XKR6: variants seen among roughly 807,000 people sequenced by gnomAD.
XKR6 encodes the protein XK related 6.
XKR6 carries 22 observed loss-of-function variants against 56.7 expected under a neutral mutation model. The ratio of observed to expected loss-of-function variants is 0.39; its 90% CI spans 0.28 to 0.55. The LOEUF (loss-of-function observed/expected upper bound fraction) is 0.55. Among genes scored for constraint, XKR6 ranks in the 20% least tolerant of loss-of-function variants. The pLI, the probability that XKR6 is intolerant of heterozygous loss-of-function variation, is 0.66. For synonymous variants in XKR6, 524 were observed against 387.8 expected, an observed-to-expected ratio of 1.35 and a Z score of -4.13; for missense variants, 852 against 889.0, an observed-to-expected ratio of 0.96 and a Z score of 0.53.
intron 1 of XKR6, among the ~76,000 whole-genome samples, chr8:10,980,465 G>A (rs575075663): frequency 6.6e-6 from 1 of 152,322 alleles, no homozygotes; most frequent in South Asian, 2.1e-4. Flanking sequence ...GTTCCATGAG[G>A]ACAGGGATGC....
chr8:11,162,870 A>G (rs1052603448), intron 1 of XKR6, among the ~76,000 whole-genome samples: 1 of 152,238 alleles, frequency 6.6e-6, no homozygotes, highest in Non-Finnish European at 1.5e-5. Flanking sequence ...CTATCCTAGC[A>G]TAGCTACAAG....
chr8:11,125,346 T>C (rs915981727), intron 1 of XKR6, among the ~76,000 whole-genome samples: 3 of 152,056 alleles, frequency 2.0e-5, no homozygotes, highest in African/African-American at 7.2e-5. Context: ...ACAGGGCACA[T>C]CGAGGCCTGA....
chr8:11,003,281 C>G (rs140590818), intron 1 of XKR6, among the ~76,000 whole-genome samples: 101 of 152,282 alleles, frequency 6.6e-4, no homozygotes, highest in African/African-American at 2.3e-3. Flanking sequence ...TCAACACCAT[C>G]ATCATCACCA....
chr8:10,923,179 G>A (rs767367064), intron 2 of XKR6, among the ~76,000 whole-genome samples: 12 of 152,236 alleles, frequency 7.9e-5, no homozygotes, highest in Non-Finnish European at 1.5e-4. Flanking sequence ...GCTTCCTGAA[G>A]CCTTGTCAAA....
chr8:10,911,236 G>A (rs1006208795), intron 2 of XKR6, among the ~76,000 whole-genome samples: 9 of 124,016 alleles, frequency 7.3e-5, no homozygotes, highest in Non-Finnish European at 1.0e-4. Context: ...GTGTGTGTGT[G>A]TATAGAGAGA....
intron 1 of XKR6, among the ~76,000 whole-genome samples, chr8:11,135,255 T>C (rs536685711): frequency 6.6e-6 from 1 of 152,230 alleles, no homozygotes; most frequent in East Asian, 1.9e-4. Context: ...GGTCTTGATC[T>C]CCTGACCTCG....
chr8:10,903,368 G>C (rs1251927364), intron 2 of XKR6, among the ~76,000 whole-genome samples: 2 of 152,196 alleles, frequency 1.3e-5, no homozygotes, highest in Admixed American at 1.3e-4. Flanking sequence ...TGGGAAGCCA[G>C]GACAGAAGAT....
At chr8:11,061,465 TC>T (rs1375304188) in intron 1 of XKR6, among the ~76,000 whole-genome samples, 2 of 85,844 alleles carry the variant, frequency 2.3e-5, no homozygotes, top group African/African-American at 9.4e-5. Flanking sequence ...AGACCCTGTC[TC>T]AAAAAAAAAA....
At chr8:10,991,063 C>T (rs1274223541) in intron 1 of XKR6, among the ~76,000 whole-genome samples, 1 of 151,912 alleles carries the variant, frequency 6.6e-6, no homozygotes, top group African/African-American at 2.4e-5. Flanking sequence ...ACCAACATGC[C>T]CAGCTGATTT....
At chr8:11,020,615 G>C (rs1435492451) in intron 1 of XKR6, among the ~76,000 whole-genome samples, 1 of 152,200 alleles carries the variant, frequency 6.6e-6, no homozygotes, top group Non-Finnish European at 1.5e-5. Flanking sequence ...GAACACCCCA[G>C]CCCCTAAGAG....
At chr8:11,180,366 A>C (rs572556096) in intron 1 of XKR6, among the ~76,000 whole-genome samples, 2 of 152,308 alleles carry the variant, frequency 1.3e-5, no homozygotes, top group Admixed American at 1.3e-4. Context: ...TTTGGACTAA[A>C]AAATTCTTTG....
At chr8:11,075,686 C>T (rs1304976293) in intron 1 of XKR6, among the ~76,000 whole-genome samples, 1 of 152,082 alleles carries the variant, frequency 6.6e-6, no homozygotes, top group Non-Finnish European at 1.5e-5. Flanking sequence ...AGTTTGAGAC[C>T]AGCCTGGCTA....
intron 1 of XKR6, among the ~76,000 whole-genome samples, chr8:11,127,343 A>G (rs546921955): frequency 2.0e-5 from 3 of 152,250 alleles, no homozygotes; most frequent in African/African-American, 7.2e-5. Context: ...TTCACCACAT[A>G]ATAAGTTACC....
chr8:10,996,385 G>A (rs914244547), intron 1 of XKR6, among the ~76,000 whole-genome samples: 7 of 152,236 alleles, frequency 4.6e-5, no homozygotes, highest in Middle Eastern at 3.4e-3. Flanking sequence ...GTAATTTGAG[G>A]GAAAGCTTTC....
chr8:11,110,334 T>C (rs762757500), intron 1 of XKR6, among the ~76,000 whole-genome samples: 4 of 152,170 alleles, frequency 2.6e-5, no homozygotes, highest in Non-Finnish European at 4.4e-5. Context: ...AGCCAATTTC[T>C]CTTAAAACAA....
At chr8:10,986,319 G>A (rs1270692855) in intron 1 of XKR6, among the ~76,000 whole-genome samples, 1 of 152,150 alleles carries the variant, frequency 6.6e-6, no homozygotes, top group African/African-American at 2.4e-5. Context: ...TGAAATGACA[G>A]AATTAGAAAA....
intron 2 of XKR6, among the ~76,000 whole-genome samples, chr8:10,913,271 C>T (rs987527360): frequency 1.4e-4 from 22 of 152,018 alleles, no homozygotes; most frequent in African/African-American, 5.1e-4. Flanking sequence ...GACAGAGATC[C>T]ATCTGCCTTT....
rs185679674 is a variant in XKR6 at position 11,004,081 on chromosome 8, A to G, written c.765-79251T>C. Among the ~76,000 whole-genome samples, 320 of 152,332 alleles carry G rather than the reference A, an allele frequency of 2.1e-3. 1 individual carries two copies. The highest frequency in any genetic ancestry group is 0.01 in the Middle Eastern group (3 of 294). ...GGACTAGAACATGAGGACCTTGTCC[A>G]CTGAGCCCTGAGCTGCAGAGATGGA... On this transcript the variant is annotated intron_variant, in intron 1 of 2. Transcript: ENST00000416569.
intron 1 of XKR6, among the ~76,000 whole-genome samples, chr8:11,030,820 G>C (rs942561987): frequency 1.3e-5 from 2 of 152,184 alleles, no homozygotes; most frequent in Admixed American, 1.3e-4. Flanking sequence ...GCCCTCATCT[G>C]AAAGCCCCAA....
Sources: allele counts gnomAD v4.1 joint callset (sites outside exome capture counted in the v4.1 genomes callset), GRCh38; gene constraint gnomAD v4.1.1; transcripts MANE v1.5; gene names NCBI Gene and HGNC (gene_info 2026-07-23, HGNC 2026-07-21).